Variants in SPINT2 observed in about 807,000 individuals in gnomAD.
The protein encoded by SPINT2 is serine peptidase inhibitor, Kunitz type 2, also known as kunitz-type protease inhibitor 2.
A neutral mutation model predicts 30.1 loss-of-function variants in SPINT2; 18 were observed. That is an observed-to-expected ratio of 0.60 (90% CI 0.41 to 0.89). The LOEUF (loss-of-function observed/expected upper bound fraction) is 0.89. Ranked by LOEUF, SPINT2 falls within the 40% of genes least tolerant of loss-of-function variation. SPINT2 has a pLI of 0.00. For missense variants in SPINT2, 276 were observed against 334.3 expected (o/e 0.83, Z 1.36); for synonymous variants, 139 against 137.9 (o/e 1.01, Z -0.05).
chr19:38,274,277 G>T (rs1968491087), intron 1 of SPINT2, among the ~76,000 whole-genome samples: 1 of 151,820 alleles, frequency 6.6e-6, no homozygotes, highest in African/African-American at 2.4e-5. Context: ...AATTATAATG[G>T]ATTAAAAACT....
intron 1 of SPINT2, among the ~76,000 whole-genome samples, chr19:38,277,098 C>T (rs1437467570): frequency 6.6e-6 from 1 of 152,156 alleles, no homozygotes; most frequent in African/African-American, 2.4e-5. Flanking sequence ...AATTTGATGA[C>T]ACTGAGATGT....
In SPINT2 at chr19:38,291,988, G is replaced by A. The variant is rs1041303173; in HGVS notation, c.741G>A (p.Lys247=). The A allele has an allele frequency of 1.2e-6, 2 of 1,614,012 alleles. No homozygotes were observed. Among genetic ancestry groups the A allele is most frequent in the African/African-American group, 1.3e-5 (1 of 74,934 alleles). The change falls in exon 7 of 7, where the codon AAG becomes AAA. Residue 247 remains lysine (K), a synonymous_variant. Coordinates refer to ENST00000301244, the MANE Select transcript of SPINT2 (RefSeq NM_021102.4). ...GAGATGACAAGGAGCAGCTGGTGAA[G>A]AACACATATGTCCTGTGACCGCCCT... ...SSGDDKEQLV[K]NTYVL is the part of the protein sequence containing the mutation.
intron 2 of SPINT2, among the ~76,000 whole-genome samples, chr19:38,285,894 T>C (rs1007813599): frequency 2.0e-5 from 3 of 152,206 alleles, no homozygotes; most frequent in Non-Finnish European, 4.4e-5. Context: ...CAAATGTATC[T>C]GTCCATCCTG....
chr19:38,272,958 G>A (rs1370300268), intron 1 of SPINT2, among the ~76,000 whole-genome samples: 1 of 152,154 alleles, frequency 6.6e-6, no homozygotes. Context: ...CTGACCTCAG[G>A]TGATCCACCT....
At chr19:38,266,102 A>T (rs1968375084) in intron 1 of SPINT2, among the ~76,000 whole-genome samples, 1 of 152,118 alleles carries the variant, frequency 6.6e-6, no homozygotes, top group African/African-American at 2.4e-5. Context: ...GACCTGGGGG[A>T]CCAGTGTCCA....
intron 1 of SPINT2, among the ~76,000 whole-genome samples, chr19:38,274,993 C>T (rs1968499738): frequency 6.6e-6 from 1 of 152,096 alleles, no homozygotes; most frequent in African/African-American, 2.4e-5. Flanking sequence ...GCAACACTGG[C>T]AGAGCCTCTT....
intron 6 of SPINT2, chr19:38,291,043 A>G: frequency 4.6e-6 from 1 of 217,978 alleles, no homozygotes; most frequent in South Asian, 6.9e-5. Flanking sequence ...GGCACAAAAG[A>G]CCTGCCATGC....
Position 38,292,066 on chromosome 19 carries a change from A to G in SPINT2, c.*60A>G. On this transcript the variant is annotated 3_prime_UTR_variant, in exon 7 of 7. Transcript: ENST00000301244. ...GGAGACTATGTGTGAGCTTTTTTTA[A>G]ATAGAGGGATTGACTCGGATTTGAG... 1 of 1,593,204 alleles carries G rather than the reference A, an allele frequency of 6.3e-7. No individual in the cohort carries two copies. Among genetic ancestry groups the G allele is most frequent in the Non-Finnish European group, 8.5e-7 (1 of 1,169,650 alleles).
intron 1 of SPINT2, among the ~76,000 whole-genome samples, chr19:38,276,560 T>G (rs984979619): frequency 4.6e-5 from 7 of 151,570 alleles, no homozygotes; most frequent in Non-Finnish European, 1.0e-4. Flanking sequence ...GGGAATGGCG[T>G]GAACCCAGGA....
intron 1 of SPINT2, among the ~76,000 whole-genome samples, chr19:38,269,897 C>T (rs1381485500): frequency 6.6e-6 from 1 of 152,282 alleles, no homozygotes; most frequent in Non-Finnish European, 1.5e-5. Flanking sequence ...GCGTGAGCCA[C>T]CGCGCCCGGC....
chr19:38,291,799 C>T, intron 6 of SPINT2, 41 bp from the exon 7 acceptor site: 1 of 1,606,332 alleles, frequency 6.2e-7, no homozygotes, highest in East Asian at 2.2e-5. Flanking sequence ...GCTGCAACTC[C>T]CCTTGCCTGG....
intron 1 of SPINT2, among the ~76,000 whole-genome samples, chr19:38,271,489 CAA>C (rs759555989): frequency 3.0e-5 from 4 of 133,242 alleles, no homozygotes; most frequent in African/African-American, 8.3e-5. Flanking sequence ...AAGACTCTCT[CAA>C]AAAAAAAAAA....
At chr19:38,287,764 T>C (rs1034720374) in intron 2 of SPINT2, 112 bp from the exon 3 acceptor site, 2 of 1,145,284 alleles carry the variant, frequency 1.7e-6, no homozygotes, top group Non-Finnish European at 2.7e-6. Context: ...GAAGGTCCCA[T>C]GTAAAGGAGA....
At chr19:38,274,181 G>C (rs1054023348) in intron 1 of SPINT2, among the ~76,000 whole-genome samples, 2 of 151,456 alleles carry the variant, frequency 1.3e-5, no homozygotes, top group African/African-American at 4.9e-5. Flanking sequence ...AGCCAAGATT[G>C]TACCACTGTA....
chr19:38,265,027 G>C (rs1968361123), intron 1 of SPINT2, 29 bp downstream of exon 1: 1 of 1,517,506 alleles, frequency 6.6e-7, no homozygotes, highest in African/African-American at 1.4e-5. Flanking sequence ...GGCTGGAGGC[G>C]GGGCGCAGGG....
At chr19:38,270,864 G>T (rs975500024) in intron 1 of SPINT2, among the ~76,000 whole-genome samples, 1 of 152,200 alleles carries the variant, frequency 6.6e-6, no homozygotes, top group Non-Finnish European at 1.5e-5. Flanking sequence ...CATGTGAGGC[G>T]GGAGAGAGCC....
chr19:38,283,435 G>A (rs1037347259), intron 1 of SPINT2, among the ~76,000 whole-genome samples, 192 bp from the exon 2 acceptor site: 4 of 152,152 alleles, frequency 2.6e-5, no homozygotes, highest in Admixed American at 6.6e-5. Context: ...TTTATTGTTG[G>A]GTGATGTGTT....
chr19:38,274,878 G>A (rs1968498431), intron 1 of SPINT2, among the ~76,000 whole-genome samples: 1 of 151,744 alleles, frequency 6.6e-6, no homozygotes, highest in Non-Finnish European at 1.5e-5. Flanking sequence ...ACTTCCCTCT[G>A]CCACTGGAGA....
At chr19:38,268,614 C>T (rs529749524) in intron 1 of SPINT2, among the ~76,000 whole-genome samples, 46 of 152,326 alleles carry the variant, frequency 3.0e-4, no homozygotes, top group African/African-American at 1.0e-3. Context: ...CAGCTTGCCT[C>T]ATCTCAGCTA....
Sources: gnomAD v4.1 joint callset for allele counts (sites outside exome capture counted in the v4.1 genomes callset) on GRCh38, gnomAD v4.1.1 for gene constraint, MANE v1.5 for transcripts, NCBI Gene and HGNC (gene_info 2026-07-23, HGNC 2026-07-21) for gene names.